TSPAN4: variants seen among roughly 807,000 people sequenced by gnomAD.
The protein encoded by TSPAN4 is tetraspanin 4.
TSPAN4 carries 38 observed loss-of-function variants against 31.5 expected under a neutral mutation model. The ratio of observed to expected loss-of-function variants is 1.21; its 90% CI spans 0.93 to 1.58. TSPAN4 has a LOEUF of 1.58. TSPAN4 is among the 40% of genes most tolerant of loss of function. TSPAN4 has a pLI of 0.00. For missense variants in TSPAN4, 330 were observed against 317.3 expected, an observed-to-expected ratio of 1.04 and a Z score of -0.30; for synonymous variants, 186 against 144.6, an observed-to-expected ratio of 1.29 and a Z score of -2.06.
At chr11:857,816 T>C (rs1848147986) in intron 3 of TSPAN4, 1 of 152,356 alleles carries the variant, frequency 6.6e-6, no homozygotes, top group Non-Finnish European at 1.5e-5. Flanking sequence ...GTGGGGTTGC[T>C]TGGCGCTTGA....
chr11:851,068 G>C (rs1463680207), intron 3 of TSPAN4, among the ~76,000 whole-genome samples: 6 of 152,218 alleles, frequency 3.9e-5, no homozygotes, highest in Admixed American at 6.5e-5. Flanking sequence ...CTGTGTGCTG[G>C]ATGGAGCAGA....
At chr11:849,329 C>T (rs1847491816) in intron 2 of TSPAN4, among the ~76,000 whole-genome samples, 1 of 152,130 alleles carries the variant, frequency 6.6e-6, no homozygotes, top group African/African-American at 2.4e-5. Context: ...GCTGACCCAG[C>T]CCCCCACCCG....
At chr11:862,440 A>G in intron 3 of TSPAN4, 110 bp from the exon 4 acceptor site, 1 of 1,041,744 alleles carries the variant, frequency 9.6e-7, no homozygotes, top group Non-Finnish European at 1.4e-6. Flanking sequence ...GTTCTGGCTC[A>G]GGCTGGCAGG....
chr11:861,337 G>A (rs910241776), intron 3 of TSPAN4, among the ~76,000 whole-genome samples: 1 of 152,170 alleles, frequency 6.6e-6, no homozygotes, highest in Non-Finnish European at 1.5e-5. Context: ...TAACTTGGCC[G>A]GGCGCGGTGG....
intron 3 of TSPAN4, among the ~76,000 whole-genome samples, chr11:851,085 G>A (rs1375264960): frequency 6.6e-6 from 1 of 152,224 alleles, no homozygotes; most frequent in Non-Finnish European, 1.5e-5. Flanking sequence ...CAGAGCTGAG[G>A]TAGAGGGCGG....
rs61867552 is a variant in TSPAN4, at chr11:864,445, G to C, written c.264G>C (p.Leu88=). The change falls in exon 5 of 9, where the codon CTG becomes CTC. Residue 88 remains leucine (L), a synonymous_variant. Transcript: ENST00000397397. The part of the protein sequence containing the change: ...ENKCLLLTFF[L]LLLLVFLLEA... ...GCCTGCCCCCTCCACAGTTCTTCCT[G>C]CTGCTGCTGCTGGTGTTCCTGCTGG... is the stretch of plus-strand genomic sequence containing the variant. 34,517 of 1,583,402 alleles carry C rather than the reference G, an allele frequency of 0.022. 504 individuals carry two copies. The highest frequency in any genetic ancestry group is 0.069 in the Middle Eastern group (409 of 5,970).
At chr11:851,338 G>A (rs1467416799) in intron 3 of TSPAN4, among the ~76,000 whole-genome samples, 1 of 152,226 alleles carries the variant, frequency 6.6e-6, no homozygotes, top group Non-Finnish European at 1.5e-5. Context: ...TCCTGAACCA[G>A]CTCCTGCAGC....
chr11:860,800 C>T (rs1433063279), intron 3 of TSPAN4, among the ~76,000 whole-genome samples: 1 of 152,132 alleles, frequency 6.6e-6, no homozygotes, highest in Non-Finnish European at 1.5e-5. Flanking sequence ...GGGGTTTCAT[C>T]AGGTTGAGGG....
intron 3 of TSPAN4, among the ~76,000 whole-genome samples, chr11:854,086 G>A (rs1847905545): frequency 6.6e-6 from 1 of 152,222 alleles, no homozygotes; most frequent in Non-Finnish European, 1.5e-5. Context: ...GGAGGTCCCG[G>A]GGCGGAGGGG....
chr11:843,007 G>A (rs1422518321), intron 1 of TSPAN4, 92 bp downstream of exon 1: 1 of 152,248 alleles, frequency 6.6e-6, no homozygotes, highest in Non-Finnish European at 1.5e-5. Flanking sequence ...CGCGAGCGGG[G>A]CGCGCGAGTT....
In TSPAN4 at chr11:848,937, T is replaced by C; in HGVS notation, c.-17-1351T>C. The C allele has an allele frequency of 1.4e-6, 1 of 708,260 alleles. No individual in the cohort carries two copies. Among genetic ancestry groups the C allele is most frequent in the Non-Finnish European group, 2.6e-6 (1 of 380,456 alleles). The allele number at this position is 708,260 out of a possible 1,614,324, so 43.9% of individuals were successfully genotyped here. On this transcript the variant is annotated intron_variant, in intron 2 of 8. Transcript: ENST00000397397. The surrounding 1 kb of genome is among the most constrained non-coding windows in gnomAD (Gnocchi z 5.7). ...GGCACATCTGCGCACGGGGCCGGTATGTCTGTACCTGTCAAGGGGTGGGGT... is the reference window on the plus strand; with the variant it reads ...GGCACATCTGCGCACGGGGCCGGTACGTCTGTACCTGTCAAGGGGTGGGGT...
chr11:859,979 A>G (rs1848362576), intron 3 of TSPAN4, among the ~76,000 whole-genome samples: 1 of 152,168 alleles, frequency 6.6e-6, no homozygotes, highest in African/African-American at 2.4e-5. Flanking sequence ...CAGTCTGTCC[A>G]GCTCCCCTGT....
At chr11:857,434 A>C (rs1311703114) in intron 3 of TSPAN4, 1 of 110,570 alleles carries the variant, frequency 9.0e-6, no homozygotes, top group Non-Finnish European at 1.7e-5. Context: ...ACGGAGTCTC[A>C]CTCTGTCGCC....
intron 3 of TSPAN4, among the ~76,000 whole-genome samples, chr11:853,832 T>A (rs1051841239): frequency 7.2e-5 from 11 of 151,758 alleles, no homozygotes; most frequent in Admixed American, 5.9e-4. Flanking sequence ...GGTTGGGGAG[T>A]GGGAAGCAGG....
chr11:863,192 C>G (rs570663760), intron 4 of TSPAN4: 20 of 158,900 alleles, frequency 1.3e-4, no homozygotes, highest in African/African-American at 4.3e-4. Flanking sequence ...ACGATCCCAG[C>G]CCCCACCTCG....
chr11:861,260 T>G (rs1848440264), intron 3 of TSPAN4, among the ~76,000 whole-genome samples: 1 of 152,192 alleles, frequency 6.6e-6, no homozygotes, highest in Non-Finnish European at 1.5e-5. Flanking sequence ...GCCCTCCGGG[T>G]GGCAGGTGCT....
Position 850,199 on chromosome 11 carries a change from C to T in TSPAN4, c.-17-89C>T, listed in dbSNP as rs534800329. 358 of 1,116,388 alleles carry T rather than the reference C, an allele frequency of 3.2e-4. 1 individual carries two copies. The African/African-American group carries it at 4.9e-3, about 15-fold the overall frequency. The allele number at this position is 1,116,388 out of a possible 1,614,324, so 69.2% of individuals were successfully genotyped here. A position where few individuals can be genotyped will look rare whatever the true frequency, so the allele number is the denominator to read the frequency against. ...TCTTCGGCCTGCACGCGAACCCCGG[C>T]CCCAAGGCGGCCCAGGCGCGCTACA... On this transcript the variant is annotated intron_variant, in intron 2 of 8. Transcript: ENST00000397397.
rs751590208 is a variant in TSPAN4, at chr11:865,869, G to A, written c.564+44G>A. On this transcript the variant is annotated intron_variant, in intron 7 of 8. Transcript: ENST00000397397. ...CTGGGGGCTGGTAGGGGCCTAGAGG[G>A]CGGGACCAGCAGGCCCTGCCGTGAC... is the stretch of plus-strand genomic sequence containing the variant. The A allele has an allele frequency of 1.6e-5, 26 of 1,612,580 alleles. No homozygotes were observed. The South Asian group carries it at 2.6e-4, about 16-fold the overall frequency.
At chr11:850,043 C>T in intron 2 of TSPAN4, 1 of 277,682 alleles carries the variant, frequency 3.6e-6, no homozygotes, top group Non-Finnish European at 6.7e-6. Context: ...GCCGCTCCAG[C>T]ACGGACGAGT....
Sources: allele counts gnomAD v4.1 joint callset (sites outside exome capture counted in the v4.1 genomes callset), GRCh38; gene constraint gnomAD v4.1.1; non-coding constraint Gnocchi (gnomAD v3.1); transcripts MANE v1.5; gene names NCBI Gene and HGNC (gene_info 2026-07-23, HGNC 2026-07-21).